Variants in GALNT13 observed in about 807,000 individuals in gnomAD.
The protein encoded by GALNT13 is polypeptide N-acetylgalactosaminyltransferase 13.
Under a neutral mutation model 64.2 loss-of-function variants are expected in GALNT13, and 28 were observed. The observed-to-expected ratio is 0.44, with a 90% CI of 0.32 to 0.60. GALNT13 has a LOEUF of 0.60. Ranked by LOEUF, GALNT13 falls within the 20% of genes least tolerant of loss-of-function variation. GALNT13 has a pLI of 0.05. For missense variants in GALNT13, 577 were observed against 669.8 expected (o/e 0.86, Z 1.53); for synonymous variants, 214 against 224.6 (o/e 0.95, Z 0.42).
the GALNT13 span, among the ~76,000 whole-genome samples, chr2:153,710,045 T>A: frequency 6.6e-6 from 1 of 152,054 alleles, no homozygotes; most frequent in Non-Finnish European, 1.5e-5. Flanking sequence ...AAATAATTTC[T>A]TTCTTAGATC....
intron 3 of GALNT13, among the ~76,000 whole-genome samples, chr2:153,980,554 A>T (rs1694394498): frequency 6.6e-6 from 1 of 152,156 alleles, no homozygotes; most frequent in African/African-American, 2.4e-5. Context: ...GGTGATCATG[A>T]TCTTTGCTAA....
the GALNT13 span, among the ~76,000 whole-genome samples, chr2:153,840,210 A>C: frequency 4.0e-4 from 61 of 152,220 alleles, no homozygotes; most frequent in African/African-American, 1.3e-3. Context: ...AATAGCATGT[A>C]ATTGAACAGG....
the GALNT13 span, among the ~76,000 whole-genome samples, chr2:153,303,586 T>G: frequency 6.6e-6 from 1 of 152,320 alleles, no homozygotes; most frequent in East Asian, 1.9e-4. Context: ...TGGTACTATG[T>G]TGAATAGAAG....
At chr2:153,760,586 G>C in the GALNT13 span, among the ~76,000 whole-genome samples, 1 of 151,858 alleles carries the variant, frequency 6.6e-6, no homozygotes, top group Non-Finnish European at 1.5e-5. Context: ...GCATACACTT[G>C]GATTAGAAAA....
chr2:153,316,468 A>G, the GALNT13 span, among the ~76,000 whole-genome samples: 3 of 151,482 alleles, frequency 2.0e-5, no homozygotes, highest in East Asian at 5.8e-4. Context: ...TGAAGAAACA[A>G]TGTCTTTACT....
At chr2:153,787,806 T>C in the GALNT13 span, among the ~76,000 whole-genome samples, 1 of 152,120 alleles carries the variant, frequency 6.6e-6, no homozygotes, top group Non-Finnish European at 1.5e-5. Context: ...CAATTGCCAA[T>C]ATTAACAGCA....
chr2:153,143,992 C>T, the GALNT13 span, among the ~76,000 whole-genome samples: 13 of 152,156 alleles, frequency 8.5e-5, no homozygotes, highest in African/African-American at 2.9e-4. Flanking sequence ...GAGTTTCGGT[C>T]ATCACATGAA....
the GALNT13 span, among the ~76,000 whole-genome samples, chr2:153,560,498 A>G: frequency 6.6e-6 from 1 of 152,144 alleles, no homozygotes; most frequent in East Asian, 1.9e-4. Flanking sequence ...CTCATTTGCA[A>G]TTTATCCTAG....
At chr2:153,481,186 A>G in the GALNT13 span, among the ~76,000 whole-genome samples, 3 of 152,068 alleles carry the variant, frequency 2.0e-5, no homozygotes, top group Non-Finnish European at 4.4e-5. Context: ...TTTTCCCTCC[A>G]CTCTGATTTT....
the GALNT13 span, among the ~76,000 whole-genome samples, chr2:153,411,190 T>TC: frequency 3.4e-5 from 5 of 147,316 alleles, no homozygotes; most frequent in Non-Finnish European, 6.0e-5. Context: ...TTTTTTTTTT[T>TC]TCCTAAACTG....
At chr2:154,199,347 C>T (rs1687049177) in intron 4 of GALNT13, among the ~76,000 whole-genome samples, 1 of 151,648 alleles carries the variant, frequency 6.6e-6, no homozygotes, top group South Asian at 2.1e-4. Flanking sequence ...AAATATGCTG[C>T]AAAAAATGTT....
intron 3 of GALNT13, among the ~76,000 whole-genome samples, chr2:153,960,354 G>A (rs895935136): frequency 1.3e-5 from 2 of 152,168 alleles, no homozygotes; most frequent in Non-Finnish European, 2.9e-5. Flanking sequence ...TAATCCATGA[G>A]GATTCTTGGC....
chr2:154,339,850 G>T (rs1347306125), intron 9 of GALNT13, among the ~76,000 whole-genome samples: 1 of 151,938 alleles, frequency 6.6e-6, no homozygotes, highest in African/African-American at 2.4e-5. Context: ...GGCTTATTTT[G>T]CAGTGAGTGG....
the GALNT13 span, among the ~76,000 whole-genome samples, chr2:153,710,200 C>T: frequency 6.6e-6 from 1 of 152,004 alleles, no homozygotes; most frequent in African/African-American, 2.4e-5. Context: ...TTTAACTATT[C>T]CACATTGTAT....
At chr2:154,298,657 C>CAATGTATATAT (rs1559075870) in intron 8 of GALNT13, among the ~76,000 whole-genome samples, 1 of 8,818 alleles carries the variant, frequency 1.1e-4, no homozygotes, top group Non-Finnish European at 2.0e-4. Context: ...ATTGTATATA[C>CAATGTATATAT]AATTTATATA....
At chr2:153,826,130 A>G in the GALNT13 span, among the ~76,000 whole-genome samples, 1 of 152,194 alleles carries the variant, frequency 6.6e-6, no homozygotes, top group Non-Finnish European at 1.5e-5. Flanking sequence ...GGGAGGACCC[A>G]GGTCAAGGGC....
chr2:153,439,861 A>G, the GALNT13 span, among the ~76,000 whole-genome samples: 1 of 152,138 alleles, frequency 6.6e-6, no homozygotes, highest in Non-Finnish European at 1.5e-5. Flanking sequence ...AGTGAGATGA[A>G]CCCGGTACCT....
the GALNT13 span, among the ~76,000 whole-genome samples, chr2:153,298,759 G>T: frequency 2.6e-5 from 4 of 152,092 alleles, no homozygotes; most frequent in Admixed American, 2.6e-4. Context: ...CAAACCCAAG[G>T]AATAACTTAT....
At chr2:153,428,646 C>T in the GALNT13 span, among the ~76,000 whole-genome samples, 1 of 152,244 alleles carries the variant, frequency 6.6e-6, no homozygotes, top group East Asian at 1.9e-4. Flanking sequence ...GACATAATTA[C>T]TAGAGAAAGG....
Sources: gnomAD v4.1 joint callset for allele counts (sites outside exome capture counted in the v4.1 genomes callset) on GRCh38, gnomAD v4.1.1 for gene constraint, MANE v1.5 for transcripts, NCBI Gene and HGNC (gene_info 2026-07-23, HGNC 2026-07-21) for gene names.